Variants in ASIC2 observed in about 807,000 individuals in gnomAD.
The protein encoded by ASIC2 is acid-sensing ion channel 2.
Under a neutral mutation model 57.3 loss-of-function variants are expected in ASIC2, and 25 were observed. That is an observed-to-expected ratio of 0.44 (90% CI 0.32 to 0.61). The LOEUF is 0.61. ASIC2 is among the 20% of genes least tolerant of loss of function. The pLI is 0.06. For synonymous variants in ASIC2, 319 were observed against 307.5 expected (o/e 1.04, Z -0.39); for missense variants, 641 against 738.1 (o/e 0.87, Z 1.52).
intron 1 of ASIC2, among the ~76,000 whole-genome samples, chr17:33,377,994 C>T (rs1047865163): frequency 6.6e-6 from 1 of 152,224 alleles, no homozygotes; most frequent in Non-Finnish European, 1.5e-5. Flanking sequence ...AATAACAGGT[C>T]CCTTCTCACC....
intron 1 of ASIC2, among the ~76,000 whole-genome samples, chr17:33,175,533 T>G (rs1905717147): frequency 6.6e-6 from 1 of 152,168 alleles, no homozygotes; most frequent in Admixed American, 6.5e-5. Flanking sequence ...CCCTACTTTT[T>G]TTTTCCAACC....
chr17:34,124,989 C>T (rs1911735476), intron 1 of ASIC2, among the ~76,000 whole-genome samples: 1 of 149,802 alleles, frequency 6.7e-6, no homozygotes, highest in South Asian at 2.1e-4. Flanking sequence ...TGTTCACCCA[C>T]ACATCAGGAC....
intron 1 of ASIC2, among the ~76,000 whole-genome samples, chr17:33,844,066 T>C (rs1913513061): frequency 6.6e-6 from 1 of 151,966 alleles, no homozygotes; most frequent in African/African-American, 2.4e-5. Context: ...GCAATCTTCA[T>C]AGCCAATAAC....
At chr17:33,934,793 T>G (rs1916022529) in intron 1 of ASIC2, among the ~76,000 whole-genome samples, 2 of 152,214 alleles carry the variant, frequency 1.3e-5, no homozygotes. Flanking sequence ...TGCCCATACA[T>G]GCAAACAGAG....
At chr17:33,213,327 A>G (rs1215058583) in intron 1 of ASIC2, among the ~76,000 whole-genome samples, 1 of 152,214 alleles carries the variant, frequency 6.6e-6, no homozygotes, top group African/African-American at 2.4e-5. Flanking sequence ...CGTAGATCTG[A>G]AGGCTCTGAA....
intron 1 of ASIC2, among the ~76,000 whole-genome samples, chr17:33,193,272 G>T (rs1252582583): frequency 2.0e-5 from 3 of 152,152 alleles, no homozygotes; most frequent in African/African-American, 7.2e-5. Context: ...TTTGCAGTAG[G>T]TCCCTTTCTC....
At chr17:34,037,754 C>T (rs1248625957) in intron 1 of ASIC2, 7 of 1,614,030 alleles carry the variant, frequency 4.3e-6, no homozygotes, top group Admixed American at 3.3e-5. Context: ...GACATCAATG[C>T]GGTCCTCCTT....
chr17:34,124,472 T>G (rs992900553), intron 1 of ASIC2, among the ~76,000 whole-genome samples: 1 of 152,222 alleles, frequency 6.6e-6, no homozygotes, highest in African/African-American at 2.4e-5. Flanking sequence ...TGGCTCAGAC[T>G]TCTTAACTTT....
At chr17:33,085,124 T>C (rs181397697) in intron 3 of ASIC2, among the ~76,000 whole-genome samples, 1 of 152,196 alleles carries the variant, frequency 6.6e-6, no homozygotes, top group Non-Finnish European at 1.5e-5. Context: ...TTTCCTAGCA[T>C]GATTCACACC....
chr17:33,152,215 T>G (rs1904829717), intron 1 of ASIC2, among the ~76,000 whole-genome samples: 1 of 152,160 alleles, frequency 6.6e-6, no homozygotes, highest in Admixed American at 6.5e-5. Context: ...CTCTTCCCAC[T>G]GCCCAGTGAA....
chr17:33,878,699 G>T lies in ASIC2; in HGVS notation c.555+277279C>A, dbSNP rs191501369. ...AAACACTCTGCAGGATATTATCCAGGAGCACTTCCCCAATCTAGCAAGGCA... is the reference window on the plus strand; with the variant it reads ...AAACACTCTGCAGGATATTATCCAGTAGCACTTCCCCAATCTAGCAAGGCA... On this transcript the variant is annotated intron_variant, in intron 1 of 9. Coordinates refer to the ASIC2 transcript ENST00000359872. Among the ~76,000 whole-genome samples, 88 of 152,332 alleles carry T rather than the reference G, an allele frequency of 5.8e-4. 1 individual carries two copies. The East Asian group carries it at 0.012, about 21-fold the overall frequency.
chr17:33,930,053 T>G (rs1428669118), intron 1 of ASIC2, among the ~76,000 whole-genome samples: 1 of 152,232 alleles, frequency 6.6e-6, no homozygotes, highest in African/African-American at 2.4e-5. Flanking sequence ...TGCTTTAGTC[T>G]TCTACAATTG....
rs930380952 is a variant in ASIC2 at position 33,276,656 on chromosome 17, G to A, written c.708+14752C>T. Reference sequence around the variant, plus strand: ...TATGTGACTCCGTTGCCATTTCTCCGTTCACATGGACTCCCTCAATGGCTT... The same window carrying A: ...TATGTGACTCCGTTGCCATTTCTCCATTCACATGGACTCCCTCAATGGCTT... On this transcript the variant is annotated intron_variant, in intron 1 of 9. Coordinates refer to ENST00000225823, the MANE Select transcript of ASIC2 (RefSeq NM_183377.2). Among the ~76,000 whole-genome samples, 4 of 152,246 alleles carry A rather than the reference G, an allele frequency of 2.6e-5. No homozygotes were observed. In the South Asian group the frequency reaches 6.2e-4, roughly 24 times the overall value.
chr17:33,604,407 GC>G (rs1269111361), intron 1 of ASIC2, among the ~76,000 whole-genome samples: 5 of 152,166 alleles, frequency 3.3e-5, no homozygotes, highest in Admixed American at 1.3e-4. Flanking sequence ...TGCCCTGTAA[GC>G]TTTGCCCACG....
At chr17:33,080,564 A>C (rs979643592) in intron 3 of ASIC2, among the ~76,000 whole-genome samples, 1 of 152,158 alleles carries the variant, frequency 6.6e-6, no homozygotes, top group Non-Finnish European at 1.5e-5. Context: ...ACATACATAC[A>C]TACATACCTC....
chr17:33,760,685 T>G (rs1484356353), intron 1 of ASIC2, among the ~76,000 whole-genome samples: 1 of 152,114 alleles, frequency 6.6e-6, no homozygotes, highest in Non-Finnish European at 1.5e-5. Flanking sequence ...AAAACCTTAC[T>G]TTACATATAC....
intron 1 of ASIC2, among the ~76,000 whole-genome samples, chr17:34,055,691 T>C (rs188866280): frequency 2.0e-5 from 3 of 152,370 alleles, no homozygotes; most frequent in Admixed American, 6.5e-5. Flanking sequence ...AATTCATTTA[T>C]GTTGTGTGTG....
At chr17:33,373,128 A>T (rs1909143286) in intron 1 of ASIC2, among the ~76,000 whole-genome samples, 1 of 152,186 alleles carries the variant, frequency 6.6e-6, no homozygotes, top group African/African-American at 2.4e-5. Flanking sequence ...CAAGAAGAGA[A>T]CCCAGGAGGA....
At chr17:33,525,710 C>T (rs886716579) in intron 1 of ASIC2, among the ~76,000 whole-genome samples, 3 of 152,194 alleles carry the variant, frequency 2.0e-5, no homozygotes, top group African/African-American at 7.2e-5. Flanking sequence ...TGTAACAAAT[C>T]CCTTATTATT....
Sources: allele counts gnomAD v4.1 joint callset (sites outside exome capture counted in the v4.1 genomes callset), GRCh38; gene constraint gnomAD v4.1.1; transcripts MANE v1.5; gene names NCBI Gene and HGNC (gene_info 2026-07-23, HGNC 2026-07-21).